PCF11: variants seen among roughly 807,000 people sequenced by gnomAD.
PCF11 encodes pre-mRNA cleavage complex 2 protein Pcf11.
In PCF11, 19 loss-of-function variants were observed where a neutral mutation model predicts 166.1. The ratio of observed to expected loss-of-function variants is 0.11; its 90% CI spans 0.08 to 0.17. The LOEUF is 0.17. PCF11 is among the 10% of genes least tolerant of loss of function. The pLI, the probability that PCF11 is intolerant of heterozygous loss-of-function variation, is 1.00. For synonymous variants in PCF11, 663 were observed against 644.1 expected (o/e 1.03, Z -0.44); for missense variants, 1,565 against 1,855.5 (o/e 0.84, Z 2.88).
At chr11:83,168,942 A>G (rs1860573962) in exon 8 of PCF11, 1 of 1,613,484 alleles carries the variant, frequency 6.2e-7, no homozygotes, top group Non-Finnish European at 8.5e-7. Context: ...AGGGACCAGG[A>G]GGCCAGCCTG....
At chr11:83,177,803 G>A (rs1391971086) in exon 11 of PCF11, 3 of 1,502,324 alleles carry the variant, frequency 2.0e-6, no homozygotes, top group South Asian at 1.3e-5. Context: ...TAATTTTACA[G>A]TTGAAGAATT....
In PCF11 at chr11:83,167,689, C is replaced by G; in HGVS notation, c.2092+184C>G. On this transcript the variant is annotated intron_variant, in intron 7 of 15. Transcript: ENST00000298281. The surrounding 1 kb of genome is among the most constrained non-coding windows in gnomAD (Gnocchi z 4.2). Reference sequence around the variant, plus strand: ...TTAGATCCTGATATTTTTGACTACCCTTTGACTGATGCCTTGTTGTCTGGA... The same window carrying G: ...TTAGATCCTGATATTTTTGACTACCGTTTGACTGATGCCTTGTTGTCTGGA... The G allele has an allele frequency of 6.6e-7, 1 of 1,514,942 alleles. No homozygotes were observed. The highest frequency in any genetic ancestry group is 8.8e-7 in the Non-Finnish European group (1 of 1,134,112). The allele number at this position is 1,514,942 out of a possible 1,614,324, so 93.8% of individuals were successfully genotyped here. A position where few individuals can be genotyped will look rare whatever the true frequency, so the allele number is the denominator to read the frequency against.
At chr11:83,164,174 C>A (rs17144685) in intron 3 of PCF11, 33 bp from the exon 4 acceptor site, 3 of 1,515,948 alleles carry the variant, frequency 2.0e-6, no homozygotes, top group South Asian at 1.2e-5. Context: ...TTAGCTGATA[C>A]GTTTTTCTTA....
chr11:83,184,798 G>A (rs759019929), exon 16 of PCF11: 2 of 1,608,232 alleles, frequency 1.2e-6, no homozygotes, highest in Non-Finnish European at 1.7e-6. Flanking sequence ...CCAAAGTTAA[G>A]GAAGAACGAA....
intron 2 of PCF11, among the ~76,000 whole-genome samples, chr11:83,161,857 A>G (rs1022699572): frequency 6.6e-6 from 1 of 152,230 alleles, no homozygotes; most frequent in African/African-American, 2.4e-5. Context: ...ATAATCCCTC[A>G]GTGTCTCAAC....
At position 83,157,367 on chromosome 11, in the gene PCF11, CG is replaced by C. The variant is rs552165575; in HGVS notation, c.-71del. The C allele has an allele frequency of 7.4e-4, 1,012 of 1,366,184 alleles. 6 individuals carry two copies. Among genetic ancestry groups the C allele is most frequent in the South Asian group, 4.0e-3 (333 of 82,746 alleles). 84.6% of individuals were successfully genotyped at this position (1,366,184 alleles called of 1,614,324 possible). A position where few individuals can be genotyped will look rare whatever the true frequency, so the allele number is the denominator to read the frequency against. ...GAGAGCCGGGGAGAGGAAGAGGAGT[CG>C]GAAGGGAGGCGGGGTATCCAGAGCG... On this transcript the variant is annotated 5_prime_UTR_variant, in exon 1 of 16. Transcript: ENST00000298281.
At chr11:83,165,006 ATGTTGTGGCAAATATTTTTGCATAG>A (rs1244451285) in intron 4 of PCF11, among the ~76,000 whole-genome samples, 22 of 152,214 alleles carry the variant, frequency 1.4e-4, no homozygotes, top group Non-Finnish European at 2.4e-4. Context: ...GATGGTAGGC[ATGTTGTGGCAAATATTTTTGCATAG>A]TCTTTAATGT....
chr11:83,169,914 A>C (rs1860624673), exon 8 of PCF11: 2 of 1,610,492 alleles, frequency 1.2e-6, no homozygotes, highest in Non-Finnish European at 1.7e-6. Flanking sequence ...TTGATGAAAA[A>C]AATCTTCAGA....
chr11:83,174,468 C>G (rs1279918825), intron 9 of PCF11, among the ~76,000 whole-genome samples: 1 of 151,440 alleles, frequency 6.6e-6, no homozygotes, highest in Non-Finnish European at 1.5e-5. Context: ...ATCCTCCCAC[C>G]TCGGCCTCCC....
intron 2 of PCF11, among the ~76,000 whole-genome samples, chr11:83,161,783 A>G (rs1332077296): frequency 6.6e-6 from 1 of 152,360 alleles, no homozygotes; most frequent in African/African-American, 2.4e-5. Context: ...AAGAGTAATT[A>G]AAATTTCATT....
Position 83,183,187 on chromosome 11 carries a change from G to A in PCF11, c.4452+114G>A, listed in dbSNP as rs1861142298. Reference sequence around the variant, plus strand: ...TATTTTAAACTTAATATATTGAACTGTTTTTGTTTTTTGATATAGCATTTA... The same window carrying A: ...TATTTTAAACTTAATATATTGAACTATTTTTGTTTTTTGATATAGCATTTA... On this transcript the variant is annotated intron_variant, in intron 15 of 15. Coordinates refer to ENST00000298281, the Ensembl canonical transcript of PCF11. The A allele has an allele frequency of 1.2e-5, 7 of 602,540 alleles. No homozygotes were observed. In the South Asian group the frequency reaches 1.4e-4, roughly 12 times the overall value. 37.3% of individuals were successfully genotyped at this position (602,540 alleles called of 1,614,324 possible). A position where few individuals can be genotyped will look rare whatever the true frequency, so the allele number is the denominator to read the frequency against.
At chr11:83,168,728 T>C in exon 8 of PCF11, 2 of 1,613,666 alleles carry the variant, frequency 1.2e-6, no homozygotes, top group Non-Finnish European at 1.7e-6. Context: ...CCAGGACAAA[T>C]GGGGGGAGGA....
At chr11:83,160,356 TA>T (rs143987740) in intron 1 of PCF11, among the ~76,000 whole-genome samples, 12,769 of 141,996 alleles carry the variant, frequency 0.09, 416 homozygotes, top group Middle Eastern at 0.19. Context: ...CTTTTTTTTT[TA>T]TTTTAAATCA....
exon 8 of PCF11, chr11:83,169,034 G>A (rs1031513970): frequency 1.2e-6 from 2 of 1,613,618 alleles, no homozygotes; most frequent in Non-Finnish European, 1.7e-6. Flanking sequence ...CAGCCTGTGG[G>A]TGGACTTAGA....
At position 83,173,719 on chromosome 11, in the gene PCF11, C is replaced by CT. The variant is rs869126679; in HGVS notation, c.3757+1833dup. Among the ~76,000 whole-genome samples, 400 of 59,070 alleles carry CT rather than the reference C, an allele frequency of 6.8e-3. 36 individuals carry two copies. Among genetic ancestry groups the CT allele is most frequent in the Non-Finnish European group, 9.3e-3 (304 of 32,816 alleles). The allele number at this position is 59,070 out of a possible 152,430, so 38.8% of individuals were successfully genotyped here. On this transcript the variant is annotated intron_variant, in intron 9 of 15. Coordinates refer to ENST00000298281, the Ensembl canonical transcript of PCF11. ...AATTTTCTTGTTTCTTTCTTTCTTT[C>CT]TTTTTTTTTTTTTTTTTTTTTTTTT...
exon 8 of PCF11, chr11:83,169,010 A>AGGGACC (rs745331784): frequency 6.2e-7 from 1 of 1,613,796 alleles, no homozygotes. Flanking sequence ...CTAAGGTTTG[A>AGGGACC]GGGACCTCAT....
At position 83,160,558 on chromosome 11, in the gene PCF11, A is replaced by C. The variant is rs1860207211; in HGVS notation, c.193-769A>C. Among the ~76,000 whole-genome samples, 13 of 152,094 alleles carry C rather than the reference A, an allele frequency of 8.5e-5. No homozygotes were observed. The South Asian group carries it at 2.7e-3, about 32-fold the overall frequency. On this transcript the variant is annotated intron_variant, in intron 1 of 15. Transcript: ENST00000298281. ...AAGGGCCACCTGTATCAGCATCACC[A>C]CACTGGCTCTGCACAAATTTATAAC...
At chr11:83,160,556 C>G (rs1024155311) in intron 1 of PCF11, among the ~76,000 whole-genome samples, 53 of 151,956 alleles carry the variant, frequency 3.5e-4, no homozygotes, top group African/African-American at 1.3e-3. Flanking sequence ...ATCAGCATCA[C>G]CACACTGGCT....
chr11:83,163,181 C>T (rs1015184974), intron 2 of PCF11, among the ~76,000 whole-genome samples: 1 of 152,208 alleles, frequency 6.6e-6, no homozygotes, highest in African/African-American at 2.4e-5. Context: ...TGTTAAAGTG[C>T]TTTCCACACC....
Sources: allele counts gnomAD v4.1 joint callset (sites outside exome capture counted in the v4.1 genomes callset), GRCh38; gene constraint gnomAD v4.1.1; non-coding constraint Gnocchi (gnomAD v3.1); transcripts MANE v1.5; gene names NCBI Gene and HGNC (gene_info 2026-07-23, HGNC 2026-07-21).